The following WDR33 variants were observed in gnomAD, a reference collection of about 807,000 sequenced individuals.
WDR33 encodes the protein pre-mRNA 3' end processing protein WDR33.
A neutral mutation model predicts 164.9 loss-of-function variants in WDR33; 47 were observed. That is an observed-to-expected ratio of 0.29 (90% confidence interval 0.23 to 0.36). The LOEUF is 0.36. Among genes scored for constraint, WDR33 ranks in the 10% least tolerant of loss-of-function variants. The pLI, the probability that WDR33 is intolerant of heterozygous loss-of-function variation, is 1.00. For synonymous variants in WDR33, 505 were observed against 589.0 expected (o/e 0.86, Z 2.06); for missense variants, 1,137 against 1,754.1 (o/e 0.65, Z 6.28).
In WDR33 at chr2:127,702,723, G is replaced by C. The variant is rs1473586959; in HGVS notation, c.*3600C>G. 2 of 166,920 alleles carry C rather than the reference G, an allele frequency of 1.2e-5. No homozygotes were observed. Among genetic ancestry groups the C allele is most frequent in the Non-Finnish European group, 2.9e-5 (2 of 68,094 alleles). 10.3% of individuals were successfully genotyped at this position (166,920 alleles called of 1,614,324 possible). ...AAAAGTACTTAAGATGGTTTATCTC[G>C]GGTTTTTTCTTCAGTTAACAAAATC... is the stretch of plus-strand genomic sequence containing the variant. On this transcript the variant is annotated 3_prime_UTR_variant, in exon 22 of 22. Coordinates refer to ENST00000322313, the MANE Select transcript of WDR33 (RefSeq NM_018383.5).
rs756741455 is a variant in WDR33 at position 127,738,038 on chromosome 2, G to A, written c.725-11261C>T. 29 of 1,612,966 alleles carry A rather than the reference G, an allele frequency of 1.8e-5. No individual in the cohort carries two copies. The highest frequency in any genetic ancestry group is 1.3e-4 in the Admixed American group (8 of 59,852). ...TGACAGAAAGGAAGTAACAACGGCA[G>A]TGATGAAAACATGTATCTATCAAAA... is the stretch of plus-strand genomic sequence containing the variant. On this transcript the variant is annotated intron_variant, in intron 7 of 21. Transcript: ENST00000322313. This position sits in a 1 kb window ranked among gnomAD's most constrained non-coding sequence, Gnocchi z 4.4.
intron 7 of WDR33, among the ~76,000 whole-genome samples, chr2:127,731,294 C>CAAAAAAA (rs35161101): frequency 8.5e-5 from 6 of 70,322 alleles, no homozygotes; most frequent in East Asian, 4.1e-4. Flanking sequence ...GACCCTGCCT[C>CAAAAAAA]AAAAAAAAAA....
At chr2:127,736,456 G>C (rs1686845814) in intron 7 of WDR33, 1 of 985,286 alleles carries the variant, frequency 1.0e-6, no homozygotes, top group Non-Finnish European at 1.2e-6. Flanking sequence ...GAAATGTATA[G>C]TGTCAGGAGC....
chr2:127,713,883 C>G lies in WDR33; in HGVS notation c.3008G>C (p.Arg1003Pro). ...ATCGGGGAAGTCTGGGTGAGGGCCACGCCTATCAGGGGGACCCCTGCAGTC... is the reference window on the plus strand; with the variant it reads ...ATCGGGGAAGTCTGGGTGAGGGCCAGGCCTATCAGGGGGACCCCTGCAGTC... Reference protein sequence around the residue: ...GQDCRGPPDRRGPHPDFPDDF... With the variant: ...GQDCRGPPDRPGPHPDFPDDF... Residue 1003 changes from arginine to proline, a missense_variant, in exon 18 of 22, where the codon CGT becomes CCT. Transcript: ENST00000322313. The surrounding 1 kb of genome is among the most constrained non-coding windows in gnomAD (Gnocchi z 6.2). The G allele has an allele frequency of 6.2e-7, 1 of 1,614,192 alleles. No individual in the cohort carries two copies. The highest frequency in any genetic ancestry group is 1.3e-5 in the African/African-American group (1 of 75,074).
At position 127,765,170 on chromosome 2, in the gene WDR33, T is replaced by G. The variant is rs202146785; in HGVS notation, c.474+4A>C. The G allele has an allele frequency of 4.0e-5, 65 of 1,611,584 alleles. No individual in the cohort carries two copies. The African/African-American group carries it at 4.7e-4, about 12-fold the overall frequency. ...TGATGATACCATCTGGTGATTATCA[T>G]TACCTGTAATATTGTTTCAAAATTG... On this transcript the variant is annotated splice_donor_region_variant and intron_variant, in intron 5 of 21. Coordinates refer to ENST00000322313, the MANE Select transcript of WDR33 (RefSeq NM_018383.5).
chr2:127,751,868 T>A (rs1687374597), intron 7 of WDR33, among the ~76,000 whole-genome samples: 1 of 152,168 alleles, frequency 6.6e-6, no homozygotes, highest in South Asian at 2.1e-4. Context: ...ACATCTGCTA[T>A]GTCACAGGTA....
At chr2:127,754,572 C>T (rs1247715135) in intron 7 of WDR33, among the ~76,000 whole-genome samples, 1 of 151,144 alleles carries the variant, frequency 6.6e-6, no homozygotes, top group African/African-American at 2.4e-5. Flanking sequence ...GTGCATGCCA[C>T]CATGTTTTTC....
At chr2:127,756,109 G>A (rs141231589) in intron 7 of WDR33, among the ~76,000 whole-genome samples, 2,729 of 152,126 alleles carry the variant, frequency 0.018, 147 homozygotes, top group South Asian at 0.17. Flanking sequence ...TGAGACGAGC[G>A]GATCACTTGA....
Position 127,717,402 on chromosome 2 carries a change from C to A in WDR33, c.2761-139G>T. The A allele has an allele frequency of 1.5e-6, 1 of 683,788 alleles. No individual in the cohort carries two copies. The highest frequency in any genetic ancestry group is 2.9e-5 in the South Asian group (1 of 34,550). The allele number at this position is 683,788 out of a possible 1,614,324, so 42.4% of individuals were successfully genotyped here. On this transcript the variant is annotated intron_variant, in intron 16 of 21. Coordinates refer to ENST00000322313, the MANE Select transcript of WDR33 (RefSeq NM_018383.5). The surrounding 1 kb of genome is among the most constrained non-coding windows in gnomAD (Gnocchi z 5.6). The stretch of plus-strand genomic sequence containing the variant: ...GATTACAGTAACATTGTCCTTAAAT[C>A]AGGAGAAAGGAGATACTTCTTTTAC...
In WDR33 at chr2:127,701,410, C is replaced by A; in HGVS notation, c.*4913G>T. 9.8e-7 allele frequency: 1 copy of A among 1,015,444 alleles called. No homozygotes were observed. Among genetic ancestry groups the A allele is most frequent in the Non-Finnish European group, 1.3e-6 (1 of 794,364 alleles). 62.9% of individuals were successfully genotyped at this position (1,015,444 alleles called of 1,614,324 possible). Reference sequence around the variant, plus strand: ...GCAGGCACCGCGGCACTTCCGCGAGCGCCGCAGGCCCTGCCCCTTTCGCCG... The same window carrying A: ...GCAGGCACCGCGGCACTTCCGCGAGAGCCGCAGGCCCTGCCCCTTTCGCCG... On this transcript the variant is annotated 3_prime_UTR_variant, in exon 22 of 22. Transcript: ENST00000322313.
intron 7 of WDR33, among the ~76,000 whole-genome samples, chr2:127,750,671 AAAAAAAATATAT>A (rs1687304442): frequency 1.5e-5 from 1 of 68,572 alleles, no homozygotes; most frequent in South Asian, 6.5e-4. Flanking sequence ...AAAAAAAAAA[AAAAAAAATATAT>A]ATATATATAT....
At chr2:127,737,242 A>G in intron 7 of WDR33, 2 of 985,160 alleles carry the variant, frequency 2.0e-6, no homozygotes, top group Non-Finnish European at 2.4e-6. Flanking sequence ...TGATATTAAC[A>G]CCAATATCAT....
intron 1 of WDR33, among the ~76,000 whole-genome samples, chr2:127,783,236 T>C (rs1688435569): frequency 6.6e-6 from 1 of 152,366 alleles, no homozygotes; most frequent in Non-Finnish European, 1.5e-5. Context: ...CCTGATACTG[T>C]ACTGGGCATT....
At chr2:127,731,402 G>C (rs1686705620) in intron 7 of WDR33, among the ~76,000 whole-genome samples, 1 of 152,004 alleles carries the variant, frequency 6.6e-6, no homozygotes, top group African/African-American at 2.4e-5. Context: ...TAATTGGTTG[G>C]GAAGTAAATT....
In WDR33 at chr2:127,764,802, C is replaced by T. The variant is rs1333677601; in HGVS notation, c.626+26G>A. 6.2e-7 allele frequency: 1 copy of T among 1,614,204 alleles called. No homozygotes were observed. The highest frequency in any genetic ancestry group is 8.5e-7 in the Non-Finnish European group (1 of 1,180,028). ...AATTTAACCATGACAATAGGGACTA[C>T]AGAAAATGGTATATTGTGTATAAAC... On this transcript the variant is annotated intron_variant, in intron 6 of 21. Coordinates refer to ENST00000322313, the MANE Select transcript of WDR33 (RefSeq NM_018383.5). This position sits in a 1 kb window ranked among gnomAD's most constrained non-coding sequence, Gnocchi z 6.2.
At chr2:127,736,012 A>G (rs1686829865) in intron 7 of WDR33, 2 of 985,362 alleles carry the variant, frequency 2.0e-6, no homozygotes, top group Non-Finnish European at 1.2e-6. Flanking sequence ...AATACAGTGC[A>G]TAGAATCATG....
At chr2:127,737,445 G>A (rs950312090) in intron 7 of WDR33, 34 of 985,354 alleles carry the variant, frequency 3.5e-5, no homozygotes, top group Non-Finnish European at 3.9e-5. Flanking sequence ...TCACAATTCA[G>A]TAACAATATA....
intron 1 of WDR33, among the ~76,000 whole-genome samples, chr2:127,772,252 C>T (rs1246744891): frequency 6.6e-6 from 1 of 152,140 alleles, no homozygotes; most frequent in Non-Finnish European, 1.5e-5. Flanking sequence ...GCCTGGCCAA[C>T]ATGGTGAAAC....
intron 7 of WDR33, among the ~76,000 whole-genome samples, chr2:127,750,697 T>A (rs1156615342): frequency 1.8e-5 from 1 of 56,732 alleles, no homozygotes; most frequent in Non-Finnish European, 3.0e-5. Context: ...TATATATATA[T>A]ATATATATAT....
Sources: gnomAD v4.1 joint callset for allele counts (sites outside exome capture counted in the v4.1 genomes callset) on GRCh38, gnomAD v4.1.1 for gene constraint, Gnocchi (gnomAD v3.1) non-coding constraint, MANE v1.5 for transcripts, NCBI Gene and HGNC (gene_info 2026-07-23, HGNC 2026-07-21) for gene names.